PDE5A: variants seen among roughly 807,000 people sequenced by gnomAD.
PDE5A encodes cGMP-specific 3',5'-cyclic phosphodiesterase.
A neutral mutation model predicts 110.2 loss-of-function variants in PDE5A; 67 were observed. That is an observed-to-expected ratio of 0.61 (90% CI 0.50 to 0.75). PDE5A has a LOEUF of 0.75. Among genes scored for constraint, PDE5A ranks in the 30% least tolerant of loss-of-function variants. The probability of loss-of-function intolerance (pLI) is 0.00; values close to 1 mark genes in which losing one functional copy is unlikely to be tolerated. For missense variants in PDE5A, 862 were observed against 1,045.1 expected (o/e 0.82, Z 2.42); for synonymous variants, 328 against 351.2 (o/e 0.93, Z 0.74).
intron 1 of PDE5A, among the ~76,000 whole-genome samples, chr4:119,622,362 C>A (rs1725285576): frequency 6.6e-6 from 1 of 152,058 alleles, no homozygotes. Flanking sequence ...ATAATTATCA[C>A]TATGAACATG....
intron 12 of PDE5A, among the ~76,000 whole-genome samples, chr4:119,522,990 C>T (rs1726183676): frequency 6.6e-6 from 1 of 151,774 alleles, no homozygotes; most frequent in Non-Finnish European, 1.5e-5. Context: ...GCTCCTGCTT[C>T]AAGAAACTCA....
chr4:119,567,427 C>T (rs1727981931), intron 3 of PDE5A, among the ~76,000 whole-genome samples: 1 of 152,186 alleles, frequency 6.6e-6, no homozygotes, highest in African/African-American at 2.4e-5. Context: ...TTAGCAATCA[C>T]ATTTTAAGTA....
chr4:119,554,755 A>C (rs1727481852), intron 7 of PDE5A, among the ~76,000 whole-genome samples: 1 of 152,218 alleles, frequency 6.6e-6, no homozygotes, highest in Admixed American at 6.5e-5. Context: ...CAAAAATAAA[A>C]AATAACATAA....
At chr4:119,508,397 A>G (rs1725628665) in intron 15 of PDE5A, among the ~76,000 whole-genome samples, 1 of 152,038 alleles carries the variant, frequency 6.6e-6, no homozygotes. Context: ...GAACTAAGTA[A>G]AATACACAGA....
intron 6 of PDE5A, among the ~76,000 whole-genome samples, chr4:119,560,776 A>T (rs747760744): frequency 6.6e-5 from 10 of 152,182 alleles, no homozygotes; most frequent in Non-Finnish European, 1.0e-4. Flanking sequence ...GTAATACTTT[A>T]TGTGATTATT....
chr4:119,551,394 T>C (rs1275037209), intron 9 of PDE5A, among the ~76,000 whole-genome samples: 2 of 152,158 alleles, frequency 1.3e-5, no homozygotes, highest in Non-Finnish European at 2.9e-5. Flanking sequence ...ACAAGTTGGA[T>C]TGGTGGGACT....
At chr4:119,516,709 C>G (rs1025308291) in intron 14 of PDE5A, among the ~76,000 whole-genome samples, 13 of 152,190 alleles carry the variant, frequency 8.5e-5, no homozygotes, top group Non-Finnish European at 1.6e-4. Flanking sequence ...CCTCTGCCTC[C>G]TGGGTTCAAG....
At chr4:119,575,778 C>T (rs1447395094) in intron 3 of PDE5A, among the ~76,000 whole-genome samples, 4 of 152,214 alleles carry the variant, frequency 2.6e-5, no homozygotes, top group African/African-American at 9.6e-5. Context: ...ACTGCATCAA[C>T]TAACGAGTAA....
chr4:119,620,259 G>C (rs996528887), intron 1 of PDE5A, among the ~76,000 whole-genome samples: 2 of 152,156 alleles, frequency 1.3e-5, no homozygotes, highest in Non-Finnish European at 2.9e-5. Flanking sequence ...TGAGTAGTTC[G>C]CTTGGGTCTG....
intron 7 of PDE5A, among the ~76,000 whole-genome samples, chr4:119,559,398 A>T (rs2110502305): frequency 6.6e-6 from 1 of 152,298 alleles, no homozygotes; most frequent in South Asian, 2.1e-4. Context: ...TAGATAATTC[A>T]TCATTTTGGA....
At position 119,497,567 on chromosome 4, in the gene PDE5A, C is replaced by T. The variant is rs562937321; in HGVS notation, c.*1034G>A. 6.6e-6 allele frequency: 1 copy of T among 152,142 alleles called. No individual in the cohort carries two copies. The highest frequency in any genetic ancestry group is 2.4e-5 in the African/African-American group (1 of 41,520). 9.4% of individuals were successfully genotyped at this position (152,142 alleles called of 1,614,324 possible). ...GTTATTCAGGCATAAAGTTTCTTACCCACTGTTCCCTCAAATTCATTTTTG... is the reference window on the plus strand; with the variant it reads ...GTTATTCAGGCATAAAGTTTCTTACTCACTGTTCCCTCAAATTCATTTTTG... On this transcript the variant is annotated 3_prime_UTR_variant, in exon 21 of 21. Coordinates refer to ENST00000354960, the MANE Select transcript of PDE5A (RefSeq NM_001083.4).
At chr4:119,620,193 A>G (rs1298586872) in intron 1 of PDE5A, among the ~76,000 whole-genome samples, 3 of 152,200 alleles carry the variant, frequency 2.0e-5, no homozygotes, top group African/African-American at 7.2e-5. Context: ...ACAAAACGGG[A>G]GATTTTGGAC....
chr4:119,521,273 C>T (rs10004484), intron 12 of PDE5A, among the ~76,000 whole-genome samples: 44,308 of 151,602 alleles, frequency 0.29, 6,472 homozygotes, highest in East Asian at 0.38. Flanking sequence ...CAATTTGACT[C>T]CACAGCCTAC....
In PDE5A at chr4:119,504,608, G is replaced by GA; in HGVS notation, c.2268-10dup. 6.2e-7 allele frequency: 1 copy of GA among 1,608,060 alleles called. No individual in the cohort carries two copies. Among genetic ancestry groups the GA allele is most frequent in the Non-Finnish European group, 8.5e-7 (1 of 1,176,542 alleles). ...CTGTCATCAGCATTGCCCTGTTATG[G>GA]AAAAAAGAAACCCAAAACTCCTATT... On this transcript the variant is annotated splice_polypyrimidine_tract_variant and intron_variant, in intron 17 of 20. Coordinates refer to ENST00000354960, the MANE Select transcript of PDE5A (RefSeq NM_001083.4).
rs1730459447 is a variant in PDE5A at position 119,628,784 on chromosome 4, C to T, written c.-113G>A. ...CGAGACCCTCCCCCTTCGTCCTGCT[C>T]CAGTCGGGCCGGCTTTCGACAAAGC... On this transcript the variant is annotated 5_prime_UTR_variant, in exon 1 of 21. Coordinates refer to ENST00000354960, the MANE Select transcript of PDE5A (RefSeq NM_001083.4). 7 of 1,463,836 alleles carry T rather than the reference C, an allele frequency of 4.8e-6. No homozygotes were observed. Among genetic ancestry groups the T allele is most frequent in the East Asian group, 2.5e-5 (1 of 40,662 alleles). The allele number at this position is 1,463,836 out of a possible 1,614,324, so 90.7% of individuals were successfully genotyped here. A position where few individuals can be genotyped will look rare whatever the true frequency, so the allele number is the denominator to read the frequency against.
rs200832230 is a variant in PDE5A, at chr4:119,505,944, A to G, written c.2190-12T>C. On this transcript the variant is annotated splice_polypyrimidine_tract_variant and intron_variant, in intron 16 of 20. Transcript: ENST00000354960. ...ATTCTCCTCGCCTCCTACAATGTTT[A>G]AAAAAAAATTGTTAGTTATAATGAG... 3.4e-5 allele frequency: 48 copies of G among 1,412,204 alleles called. No individual in the cohort carries two copies. The highest frequency in any genetic ancestry group is 4.7e-5 in the Non-Finnish European group (48 of 1,032,024). 87.5% of individuals were successfully genotyped at this position (1,412,204 alleles called of 1,614,324 possible).
chr4:119,566,975 G>T, intron 4 of PDE5A, 98 bp downstream of exon 4: 1 of 816,588 alleles, frequency 1.2e-6, no homozygotes, highest in South Asian at 1.6e-5. Flanking sequence ...TTTTTTGTGT[G>T]ACCAACAATT....
chr4:119,584,627 T>TA (rs757473529), intron 3 of PDE5A, among the ~76,000 whole-genome samples: 1 of 152,228 alleles, frequency 6.6e-6, no homozygotes, highest in East Asian at 1.9e-4. Flanking sequence ...GGTTCAAACT[T>TA]ACTGCTGTAG....
rs1286010540 is a variant in PDE5A, at chr4:119,501,242, G to A, written c.2418C>T (p.Asn806=). ...ELNIEPTDLM[N]REKKNKIPSM... ...TTGGGATTTTGTTTTTCTTCTCCCT[G>A]TTCATTAGATCCTGAAAATACAAAT... The change falls in exon 20 of 21, where the codon AAC becomes AAT. Residue 806 remains asparagine (N), a synonymous_variant. Transcript: ENST00000354960. 6.2e-7 allele frequency: 1 copy of A among 1,601,888 alleles called. No individual in the cohort carries two copies. Among genetic ancestry groups the A allele is most frequent in the South Asian group, 1.1e-5 (1 of 90,836 alleles).
Sources: gnomAD v4.1 joint callset for allele counts (sites outside exome capture counted in the v4.1 genomes callset) on GRCh38, gnomAD v4.1.1 for gene constraint, MANE v1.5 for transcripts, NCBI Gene and HGNC (gene_info 2026-07-23, HGNC 2026-07-21) for gene names.